Variants in SPTBN4 observed in about 807,000 individuals in gnomAD.
The protein encoded by SPTBN4 is spectrin beta chain, non-erythrocytic 4.
A neutral mutation model predicts 277.8 loss-of-function variants in SPTBN4; 96 were observed. The ratio of observed to expected loss-of-function variants is 0.35; its 90% CI spans 0.29 to 0.41. The LOEUF (loss-of-function observed/expected upper bound fraction) is 0.41. Among genes scored for constraint, SPTBN4 ranks in the 10% least tolerant of loss-of-function variants. The pLI is 1.00. For missense variants in SPTBN4, 3,006 were observed against 3,595.7 expected (o/e 0.84, Z 4.19); for synonymous variants, 1,481 against 1,580.3 (o/e 0.94, Z 1.49).
chr19:40,561,883 A>G (rs1409376350), intron 27 of SPTBN4, among the ~76,000 whole-genome samples: 1 of 152,146 alleles, frequency 6.6e-6, no homozygotes, highest in Non-Finnish European at 1.5e-5. Context: ...ATACATACAT[A>G]GGAAGGGAAT....
In SPTBN4 at chr19:40,567,626, C is replaced by T. The variant is rs201803990; in HGVS notation, c.6337-37C>T. 3.9e-4 allele frequency: 561 copies of T among 1,428,270 alleles called. 5 individuals carry two copies. In the African/African-American group the frequency reaches 7.8e-3, roughly 20 times the overall value. The allele number at this position is 1,428,270 out of a possible 1,614,324, so 88.5% of individuals were successfully genotyped here. On this transcript the variant is annotated intron_variant, in intron 30 of 35. Transcript: ENST00000598249. ...CCTCCCCCTTACCCCGCCCCGGCCC[C>T]ACGCCTCCAACCTAACCCTGGTCCC... is the stretch of plus-strand genomic sequence containing the variant.
At chr19:40,539,288 T>C (rs998236485) in intron 20 of SPTBN4, among the ~76,000 whole-genome samples, 1 of 152,204 alleles carries the variant, frequency 6.6e-6, no homozygotes. Context: ...CTCTGAGCCT[T>C]GGATGCCTTC....
At position 40,515,395 on chromosome 19, in the gene SPTBN4, A is replaced by G. The variant is rs889047355; in HGVS notation, c.2850A>G (p.Gly950=). The G allele has an allele frequency of 2.5e-6, 4 of 1,596,228 alleles. No individual in the cohort carries two copies. The highest frequency in any genetic ancestry group is 3.4e-6 in the Non-Finnish European group (4 of 1,171,282). ...ACACAGTCCAGGAGCTGGTGGAAGG[A>G]GGCCACCCCAGTTCAGATGAGGTGC... is the stretch of plus-strand genomic sequence containing the variant. ...VNHTVQELVE[G]GHPSSDEVRS... The change falls in exon 15 of 36, where the codon GGA becomes GGG. Residue 950 remains glycine, a synonymous_variant. Coordinates refer to ENST00000598249, the MANE Select transcript of SPTBN4 (RefSeq NM_020971.3). This position sits in a 1 kb window ranked among gnomAD's most constrained non-coding sequence, Gnocchi z 4.1.
At chr19:40,540,249 A>G (rs1409241476) in intron 20 of SPTBN4, among the ~76,000 whole-genome samples, 1 of 152,066 alleles carries the variant, frequency 6.6e-6, no homozygotes, top group Non-Finnish European at 1.5e-5. Flanking sequence ...TAACTGTCAT[A>G]AAACTGAGAG....
intron 27 of SPTBN4, among the ~76,000 whole-genome samples, chr19:40,565,101 C>T (rs1286087218): frequency 6.6e-6 from 1 of 151,036 alleles, no homozygotes; most frequent in East Asian, 2.0e-4. Context: ...CCCATCTCTA[C>T]TAAAAATATA....
chr19:40,565,665 A>G lies in SPTBN4; in HGVS notation c.6059A>G (p.Gln2020Arg). The change falls in exon 29 of 36, where the codon CAG becomes CGG. Residue 2020 changes from glutamine to arginine, a missense_variant. Physicochemically the swap from Gln to Arg is conservative, Grantham distance 43. Transcript: ENST00000598249. ...LNKSAMADEI[Q>R]AQLDKLGTRK... Reference sequence around the variant, plus strand: ...CCACCCACCTGCCACTCCCAGATCCAGGCACAGCTGGACAAGCTGGGAACC... The same window carrying G: ...CCACCCACCTGCCACTCCCAGATCCGGGCACAGCTGGACAAGCTGGGAACC... 6.4e-7 allele frequency: 1 copy of G among 1,556,992 alleles called. No homozygotes were observed. The highest frequency in any genetic ancestry group is 8.7e-7 in the Non-Finnish European group (1 of 1,149,716).
chr19:40,563,074 G>A (rs2081059486), intron 27 of SPTBN4, among the ~76,000 whole-genome samples: 1 of 151,178 alleles, frequency 6.6e-6, no homozygotes, highest in Admixed American at 6.6e-5. Flanking sequence ...GTCAAGCATG[G>A]TGGTGTGCAT....
rs375858074 is a variant in SPTBN4 at position 40,499,679 on chromosome 19, C to T, written c.784+2075C>T. Among the ~76,000 whole-genome samples the T allele has an allele frequency of 4.6e-5, 7 of 151,920 alleles. No individual in the cohort carries two copies. In the East Asian group the frequency reaches 9.7e-4, roughly 21 times the overall value. ...CCCAGAGTGCCTGGGATTACAGGCCCGAGCCACATGCCTGGCTTAACCTGT... is the reference window on the plus strand; with the variant it reads ...CCCAGAGTGCCTGGGATTACAGGCCTGAGCCACATGCCTGGCTTAACCTGT... On this transcript the variant is annotated intron_variant, in intron 7 of 35. Transcript: ENST00000598249.
In SPTBN4 at chr19:40,512,909, A is replaced by G. The variant is rs1483301734; in HGVS notation, c.2120A>G (p.Glu707Gly). 2 of 1,428,256 alleles carry G rather than the reference A, an allele frequency of 1.4e-6. No individual in the cohort carries two copies. Among genetic ancestry groups the G allele is most frequent in the Admixed American group, 3.2e-5 (1 of 31,014 alleles). 88.5% of individuals were successfully genotyped at this position (1,428,256 alleles called of 1,614,324 possible). Residue 707 changes from glutamate to glycine, a missense_variant, in exon 14 of 36, where the codon GAG (glutamate) becomes GGG (glycine). Physicochemically the swap from Glu to Gly is moderately conservative, Grantham distance 98. Around this residue, in one of 5 missense-constraint regions of SPTBN4, gnomAD observed 1,759 missense variants for 2,061.5 expected, o/e 0.85. Coordinates refer to ENST00000598249, the MANE Select transcript of SPTBN4 (RefSeq NM_020971.3). ...LLAQHKILQG[E>G]LGGRRALLQQ... ...GCCCAGCACAAGATCCTGCAGGGCG[A>G]GCTGGGCGGGCGGCGAGCGTTGCTG...
In SPTBN4 at chr19:40,557,032, G is replaced by T; in HGVS notation, c.5299G>T (p.Glu1767Ter). The T allele has an allele frequency of 6.5e-7, 1 of 1,533,990 alleles. No homozygotes were observed. Among genetic ancestry groups the T allele is most frequent in the Non-Finnish European group, 8.8e-7 (1 of 1,133,788 alleles). The change falls in exon 26 of 36, where the codon GAG (glutamate) becomes TAG (stop). Residue 1767 changes from glutamate to a stop codon, truncating the protein, a stop_gained. Coordinates refer to ENST00000598249, the MANE Select transcript of SPTBN4 (RefSeq NM_020971.3). LOFTEE classifies it high-confidence loss of function. ...QDFEHVSVLQ[E>*]KFSEFASETG... Reference sequence around the variant, plus strand: ...CACTTCCTGATGGCAGGTGCTGCAGGAGAAATTCTCAGAGTTTGCCAGCGA... The same window carrying T: ...CACTTCCTGATGGCAGGTGCTGCAGTAGAAATTCTCAGAGTTTGCCAGCGA...
intron 2 of SPTBN4, among the ~76,000 whole-genome samples, chr19:40,480,727 T>C (rs964365475): frequency 1.3e-5 from 2 of 152,124 alleles, no homozygotes; most frequent in African/African-American, 4.8e-5. Context: ...CATTCACCTG[T>C]TGATAAGCAT....
chr19:40,503,243 T>C (rs1338314719), intron 11 of SPTBN4, among the ~76,000 whole-genome samples: 1 of 151,806 alleles, frequency 6.6e-6, no homozygotes. Context: ...GTGTCTAGGG[T>C]AACTCAGAAG....
chr19:40,557,906 G>C, intron 26 of SPTBN4, among the ~76,000 whole-genome samples: 1 of 116,252 alleles, frequency 8.6e-6, no homozygotes. Context: ...TGACAAGAGT[G>C]ATACTCTGTC....
chr19:40,568,602 C>T (rs2081120701), intron 31 of SPTBN4, among the ~76,000 whole-genome samples: 1 of 152,208 alleles, frequency 6.6e-6, no homozygotes, highest in Admixed American at 6.5e-5. Context: ...CCTCTCTGTG[C>T]CTCAGTTTGC....
At chr19:40,544,912 T>C (rs2080842794) in intron 20 of SPTBN4, among the ~76,000 whole-genome samples, 1 of 151,636 alleles carries the variant, frequency 6.6e-6, no homozygotes, top group African/African-American at 2.4e-5. Context: ...TTCTCCCACC[T>C]CAACCTCCTA....
At chr19:40,487,170 G>A (rs2080081788) in intron 2 of SPTBN4, among the ~76,000 whole-genome samples, 1 of 151,812 alleles carries the variant, frequency 6.6e-6, no homozygotes, top group Non-Finnish European at 1.5e-5. Context: ...CGAGTAGCTG[G>A]GATTAACAGG....
chr19:40,570,637 G>C lies in SPTBN4; in HGVS notation c.7228G>C (p.Ala2410Pro), dbSNP rs963393003. The C allele has an allele frequency of 4.7e-6, 7 of 1,499,612 alleles. No individual in the cohort carries two copies. The African/African-American group carries it at 1.0e-4, about 22-fold the overall frequency. The allele number at this position is 1,499,612 out of a possible 1,614,324, so 92.9% of individuals were successfully genotyped here. A position where few individuals can be genotyped will look rare whatever the true frequency, so the allele number is the denominator to read the frequency against. The change falls in exon 33 of 36, where the codon GCG becomes CCG. Residue 2410 changes from alanine (A) to proline (P), a missense_variant. This residue lies in a region of SPTBN4 where 630 missense variants were observed against 677.6 expected (regional missense o/e 0.93). Transcript: ENST00000598249. The part of the protein sequence containing the change: ...SAPAQGGSAP[A>P]PPPPPTHTVQ... ...CCCGGCCCAGGGCGGCTCCGCCCCC[G>C]CGCCTCCGCCACCGCCCACTCACAC... is the stretch of plus-strand genomic sequence containing the variant.
chr19:40,513,830 G>A (rs1395450163), intron 14 of SPTBN4, among the ~76,000 whole-genome samples: 1 of 152,166 alleles, frequency 6.6e-6, no homozygotes, highest in Non-Finnish European at 1.5e-5. Context: ...ATGCCTGGGG[G>A]TAGAGGAAGC....
At position 40,532,614 on chromosome 19, in the gene SPTBN4, G is replaced by A. The variant is rs545453266; in HGVS notation, c.3949-11G>A. 2 of 1,611,844 alleles carry A rather than the reference G, an allele frequency of 1.2e-6. No individual in the cohort carries two copies. Among genetic ancestry groups the A allele is most frequent in the Non-Finnish European group, 1.7e-6 (2 of 1,178,800 alleles). On this transcript the variant is annotated splice_polypyrimidine_tract_variant and intron_variant, in intron 18 of 35. Coordinates refer to ENST00000598249, the MANE Select transcript of SPTBN4 (RefSeq NM_020971.3). Reference sequence around the variant, plus strand: ...GGGACCAGCTGAGCCCTCCTGCCCTGTTCTGCACAGCTGGATGGCTGGATC... The same window carrying A: ...GGGACCAGCTGAGCCCTCCTGCCCTATTCTGCACAGCTGGATGGCTGGATC...
Sources: allele counts gnomAD v4.1 joint callset (sites outside exome capture counted in the v4.1 genomes callset), GRCh38; gene constraint gnomAD v4.1.1; regional missense constraint gnomAD v4.1.1; non-coding constraint Gnocchi (gnomAD v3.1); transcripts MANE v1.5; gene names NCBI Gene and HGNC (gene_info 2026-07-23, HGNC 2026-07-21).